PDE10A: variants seen among roughly 807,000 people sequenced by gnomAD.
PDE10A encodes cAMP and cAMP-inhibited cGMP 3',5'-cyclic phosphodiesterase 10A.
In PDE10A, 39 loss-of-function variants were observed where a neutral mutation model predicts 97.7. That is an observed-to-expected ratio of 0.40 (90% CI 0.31 to 0.52). PDE10A has a LOEUF of 0.52. PDE10A is among the 20% of genes least tolerant of loss of function. The pLI is 0.56. For missense variants in PDE10A, 731 were observed against 1,047.8 expected (o/e 0.70, Z 4.17); for synonymous variants, 371 against 376.8 (o/e 0.98, Z 0.18).
chr6:165,354,081 G>A (rs947951407), intron 18 of PDE10A, among the ~76,000 whole-genome samples: 2 of 152,146 alleles, frequency 1.3e-5, no homozygotes, highest in African/African-American at 4.8e-5. Context: ...TTTCAAATAA[G>A]ATGGAAAATT....
chr6:165,545,333 C>T (rs988422268), intron 1 of PDE10A: 4 of 374,644 alleles, frequency 1.1e-5, no homozygotes, highest in African/African-American at 2.2e-5. Context: ...TAAGTCAAAA[C>T]TATATGAGTT....
At chr6:165,369,382 A>C (rs2128199346) in intron 18 of PDE10A, among the ~76,000 whole-genome samples, 1 of 152,074 alleles carries the variant, frequency 6.6e-6, no homozygotes, top group Admixed American at 6.5e-5. Flanking sequence ...AGAAGTGATT[A>C]AAGGAGCTGA....
intron 1 of PDE10A, among the ~76,000 whole-genome samples, chr6:165,693,068 A>C (rs771832329): frequency 1.3e-5 from 2 of 152,230 alleles, no homozygotes; most frequent in Non-Finnish European, 2.9e-5. Flanking sequence ...TAATTTAAAA[A>C]AAATCATGAT....
intron 1 of PDE10A, among the ~76,000 whole-genome samples, chr6:165,958,575 AAGAAAGAC>A (rs1562327384): frequency 0.014 from 475 of 34,904 alleles, 39 homozygotes; most frequent in African/African-American, 0.046. Flanking sequence ...GACAGACAGA[AAGAAAGAC>A]AGAAAGAGAG....
chr6:165,603,367 T>A (rs1211186786), intron 1 of PDE10A, among the ~76,000 whole-genome samples: 1 of 152,086 alleles, frequency 6.6e-6, no homozygotes, highest in Non-Finnish European at 1.5e-5. Flanking sequence ...GTAACACACA[T>A]GTTAGTAAGC....
intron 1 of PDE10A, among the ~76,000 whole-genome samples, chr6:165,960,164 A>T (rs1226918124): frequency 6.6e-6 from 1 of 152,232 alleles, no homozygotes; most frequent in Non-Finnish European, 1.5e-5. Flanking sequence ...GAGCAAGAAC[A>T]GGTAAAATCA....
At chr6:165,358,028 G>C (rs189909930) in intron 18 of PDE10A, among the ~76,000 whole-genome samples, 54 of 152,176 alleles carry the variant, frequency 3.5e-4, no homozygotes, top group African/African-American at 1.2e-3. Flanking sequence ...CTGTCATTCT[G>C]GTTGAGGTAT....
chr6:165,668,939 A>C (rs1046182922), intron 1 of PDE10A, among the ~76,000 whole-genome samples: 1 of 152,196 alleles, frequency 6.6e-6, no homozygotes, highest in Non-Finnish European at 1.5e-5. Context: ...TGCAGAACAG[A>C]AAAAGGAGAG....
At chr6:165,649,807 C>T (rs539895086) in intron 1 of PDE10A, among the ~76,000 whole-genome samples, 12 of 152,324 alleles carry the variant, frequency 7.9e-5, no homozygotes, top group Admixed American at 2.0e-4. Flanking sequence ...GTTTCTACAA[C>T]AAGGCATCTG....
At position 165,376,436 on chromosome 6, in the gene PDE10A, T is replaced by C. The variant is rs537140967; in HGVS notation, c.2783+2758A>G. ...ATGGTTGAAATGTCAGCAAAGGATTTAGAATATTCCATAAACTTGTTTGAC... is the reference window on the plus strand; with the variant it reads ...ATGGTTGAAATGTCAGCAAAGGATTCAGAATATTCCATAAACTTGTTTGAC... On this transcript the variant is annotated intron_variant, in intron 18 of 21. Coordinates refer to ENST00000539869, the MANE Select transcript of PDE10A (RefSeq NM_001385079.1). Among the ~76,000 whole-genome samples, 312 of 152,360 alleles carry C rather than the reference T, an allele frequency of 2.0e-3. 6 individuals carry two copies. Among genetic ancestry groups the C allele is most frequent in the Admixed American group, 0.02 (311 of 15,306 alleles).
chr6:165,346,009 A>G (rs1477808977), intron 18 of PDE10A, among the ~76,000 whole-genome samples: 1 of 152,238 alleles, frequency 6.6e-6, no homozygotes, highest in Non-Finnish European at 1.5e-5. Context: ...AAATGCCATT[A>G]TGGCTGCGAC....
chr6:165,338,435 AAT>A (rs530996717), intron 20 of PDE10A, among the ~76,000 whole-genome samples: 1 of 152,174 alleles, frequency 6.6e-6, no homozygotes, highest in Non-Finnish European at 1.5e-5. Context: ...TACTCTCAGA[AAT>A]ATATGACACC....
chr6:165,578,964 A>T (rs933038532), intron 1 of PDE10A, among the ~76,000 whole-genome samples: 8 of 152,230 alleles, frequency 5.3e-5, no homozygotes, highest in Non-Finnish European at 8.8e-5. Flanking sequence ...AGCTTCTCAC[A>T]AACAAATGGA....
intron 3 of PDE10A, among the ~76,000 whole-genome samples, chr6:165,463,872 A>G (rs893918083): frequency 2.6e-4 from 40 of 152,368 alleles, no homozygotes; most frequent in African/African-American, 8.7e-4. Flanking sequence ...AAACAATAGC[A>G]TGAGTGATCT....
At chr6:165,634,956 A>G (rs767234456) in intron 1 of PDE10A, among the ~76,000 whole-genome samples, 3 of 152,196 alleles carry the variant, frequency 2.0e-5, no homozygotes, top group Non-Finnish European at 4.4e-5. Context: ...TCATTTAAGC[A>G]TTTATATAGC....
At chr6:165,826,416 C>G (rs1408959844) in intron 1 of PDE10A, among the ~76,000 whole-genome samples, 1 of 150,474 alleles carries the variant, frequency 6.6e-6, no homozygotes, top group Non-Finnish European at 1.5e-5. Context: ...TCCCTCTGTC[C>G]TGGTATCCCT....
chr6:165,828,120 G>A (rs921890023), intron 1 of PDE10A, among the ~76,000 whole-genome samples: 1 of 152,204 alleles, frequency 6.6e-6, no homozygotes, highest in Non-Finnish European at 1.5e-5. Flanking sequence ...GTACCAAGAC[G>A]TGGAACCCTA....
intron 17 of PDE10A, among the ~76,000 whole-genome samples, chr6:165,383,817 G>A (rs1238960889): frequency 2.6e-5 from 4 of 152,134 alleles, no homozygotes; most frequent in Admixed American, 2.6e-4. Context: ...GTGCTCAGGC[G>A]CTATGTAAAA....
intron 19 of PDE10A, among the ~76,000 whole-genome samples, chr6:165,341,364 CCTTTTA>C (rs894994389): frequency 3.3e-5 from 5 of 152,304 alleles, no homozygotes; most frequent in African/African-American, 7.2e-5. Flanking sequence ...CCTGCACCTT[CCTTTTA>C]CTTTAAGTTG....
Sources: gnomAD v4.1 joint callset for allele counts (sites outside exome capture counted in the v4.1 genomes callset) on GRCh38, gnomAD v4.1.1 for gene constraint, MANE v1.5 for transcripts, NCBI Gene and HGNC (gene_info 2026-07-23, HGNC 2026-07-21) for gene names.